NCOA2: variants seen among roughly 807,000 people sequenced by gnomAD.
The protein encoded by NCOA2 is nuclear receptor coactivator 2.
In NCOA2, 21 loss-of-function variants were observed where a neutral mutation model predicts 145.1. That is an observed-to-expected ratio of 0.14 (90% confidence interval 0.10 to 0.21). The LOEUF (loss-of-function observed/expected upper bound fraction) is 0.21. NCOA2 is among the 10% of genes least tolerant of loss of function. The probability of loss-of-function intolerance (pLI) is 1.00; values close to 1 mark genes in which losing one functional copy is unlikely to be tolerated. For synonymous variants in NCOA2, 619 were observed against 637.5 expected (o/e 0.97, Z 0.44); for missense variants, 1,472 against 1,837.6 (o/e 0.80, Z 3.64).
At chr8:70,166,932 T>G (rs528195945) in intron 6 of NCOA2, among the ~76,000 whole-genome samples, 178 bp from the exon 7 acceptor site, 1 of 152,356 alleles carries the variant, frequency 6.6e-6, no homozygotes, top group African/African-American at 2.4e-5. Flanking sequence ...TTTTACAACT[T>G]GGGAATATCT....
intron 2 of NCOA2, among the ~76,000 whole-genome samples, chr8:70,219,150 G>A (rs1346737555): frequency 6.6e-6 from 1 of 152,128 alleles, no homozygotes; most frequent in Non-Finnish European, 1.5e-5. Context: ...GAGAGAAGAG[G>A]AGCCATTTTC....
intron 2 of NCOA2, among the ~76,000 whole-genome samples, chr8:70,258,298 A>G (rs1410475909): frequency 6.6e-6 from 1 of 152,246 alleles, no homozygotes; most frequent in Non-Finnish European, 1.5e-5. Flanking sequence ...CTGATGCAGT[A>G]TCAAAGATCA....
Position 70,363,382 on chromosome 8 carries a change from CA to C in NCOA2, c.-77+40317del, listed in dbSNP as rs113316710. Among the ~76,000 whole-genome samples the C allele has an allele frequency of 5.7e-3, 719 of 125,798 alleles. 5 individuals are homozygous for C. The highest frequency in any genetic ancestry group is 0.014 in the African/African-American group (481 of 33,804). 82.5% of individuals were successfully genotyped at this position (125,798 alleles called of 152,430 possible). On this transcript the variant is annotated intron_variant, in intron 1 of 22. Coordinates refer to ENST00000452400, the MANE Select transcript of NCOA2 (RefSeq NM_006540.4). ...TGGGTGACAGAGCTAGACACCATCT[CA>C]AAAAAAAAAAAAAGTAAACAAGTTT... is the stretch of plus-strand genomic sequence containing the variant.
chr8:70,368,844 A>T (rs1810941821), intron 1 of NCOA2, among the ~76,000 whole-genome samples: 2 of 152,152 alleles, frequency 1.3e-5, no homozygotes, highest in African/African-American at 2.4e-5. Context: ...ACCCCTCCCA[A>T]AACTGCACAA....
chr8:70,323,589 C>T (rs969210862), intron 1 of NCOA2, among the ~76,000 whole-genome samples: 7 of 152,042 alleles, frequency 4.6e-5, no homozygotes, highest in Admixed American at 2.0e-4. Flanking sequence ...TTATTTGATA[C>T]ATTAAGTCCT....
intron 2 of NCOA2, among the ~76,000 whole-genome samples, chr8:70,226,250 A>T (rs1285697064): frequency 6.6e-6 from 1 of 152,154 alleles, no homozygotes; most frequent in Non-Finnish European, 1.5e-5. Flanking sequence ...GTTTATAATA[A>T]GAAGGAAGAG....
At chr8:70,159,244 T>TATATATGTATATATATATATGTATATATA in intron 10 of NCOA2, among the ~76,000 whole-genome samples, 23 of 69,280 alleles carry the variant, frequency 3.3e-4, no homozygotes, top group African/African-American at 1.1e-3. Flanking sequence ...ATATATATAT[T>TATATATGTATATATATATATGTATATATA]TTTTTTTTTT....
chr8:70,149,529 C>A (rs1811518348), intron 11 of NCOA2, among the ~76,000 whole-genome samples: 1 of 151,334 alleles, frequency 6.6e-6, no homozygotes, highest in South Asian at 2.1e-4. Context: ...GAGAGAGCCA[C>A]CGTGCCTGTC....
chr8:70,220,749 T>G (rs1386533263), intron 2 of NCOA2, among the ~76,000 whole-genome samples: 2 of 152,240 alleles, frequency 1.3e-5, no homozygotes, highest in Non-Finnish European at 2.9e-5. Context: ...CTCATACCAT[T>G]AAAGCTTGTT....
At position 70,156,897 on chromosome 8, in the gene NCOA2, G is replaced by T. The variant is rs751520542; in HGVS notation, c.1468C>A (p.His490Asn). ...CCAGCCACTCCAGGGCTCATGCGAT[G>T]CCTTGGTGAAAGCATGGAGGTGGGC... ...GQPTSMLSPR[H>N]RMSPGVAGSP... Residue 490 changes from histidine to asparagine, a missense_variant, in exon 11 of 23, where the codon CAT becomes AAT. His to Asn is a moderately conservative substitution (Grantham distance 68). Coordinates refer to ENST00000452400, the MANE Select transcript of NCOA2 (RefSeq NM_006540.4). 1 of 1,613,898 alleles carries T rather than the reference G, an allele frequency of 6.2e-7. No individual in the cohort carries two copies. The highest frequency in any genetic ancestry group is 1.3e-5 in the African/African-American group (1 of 74,930).
intron 4 of NCOA2, among the ~76,000 whole-genome samples, chr8:70,178,011 A>T (rs1815059064): frequency 6.6e-6 from 1 of 152,172 alleles, no homozygotes; most frequent in Non-Finnish European, 1.5e-5. Flanking sequence ...GCCTTGTGAG[A>T]TGTTTATATT....
chr8:70,290,798 T>C (rs1826620656), intron 2 of NCOA2, among the ~76,000 whole-genome samples: 1 of 151,430 alleles, frequency 6.6e-6, no homozygotes, highest in Non-Finnish European at 1.5e-5. Flanking sequence ...ATAACATGTA[T>C]GAATTTCAGC....
chr8:70,369,192 C>G (rs1427439255), intron 1 of NCOA2, among the ~76,000 whole-genome samples: 2 of 152,180 alleles, frequency 1.3e-5, no homozygotes, highest in African/African-American at 4.8e-5. Flanking sequence ...ATTTTACACA[C>G]TGACGTAGTC....
chr8:70,372,888 CTTTA>C (rs1377342479), intron 1 of NCOA2, among the ~76,000 whole-genome samples: 1 of 152,152 alleles, frequency 6.6e-6, no homozygotes, highest in Non-Finnish European at 1.5e-5. Flanking sequence ...TGTCTGGCTT[CTTTA>C]TTTAGCATAA....
chr8:70,174,159 T>C (rs575451133), intron 5 of NCOA2, among the ~76,000 whole-genome samples: 2 of 152,330 alleles, frequency 1.3e-5, no homozygotes, highest in East Asian at 1.9e-4. Context: ...TTAGTACTAG[T>C]TAATAAAATA....
the NCOA2 span, among the ~76,000 whole-genome samples, chr8:70,435,695 ATATAAG>A: frequency 4.0e-5 from 6 of 150,952 alleles, no homozygotes; most frequent in South Asian, 2.1e-4. Flanking sequence ...ACTTATATAT[ATATAAG>A]TATAATACTT....
At chr8:70,430,244 C>A in the NCOA2 span, among the ~76,000 whole-genome samples, 7 of 152,138 alleles carry the variant, frequency 4.6e-5, no homozygotes, top group African/African-American at 1.7e-4. Context: ...CTTAAGTAAG[C>A]TTTCCCAAAA....
At chr8:70,267,355 C>A (rs907494043) in intron 2 of NCOA2, among the ~76,000 whole-genome samples, 2 of 151,446 alleles carry the variant, frequency 1.3e-5, no homozygotes, top group Non-Finnish European at 2.9e-5. Context: ...ATCCTCATTT[C>A]CCACCAGAAG....
At chr8:70,301,927 T>G (rs1335114627) in intron 1 of NCOA2, among the ~76,000 whole-genome samples, 1 of 152,060 alleles carries the variant, frequency 6.6e-6, no homozygotes, top group Non-Finnish European at 1.5e-5. Flanking sequence ...TTACTTAAGA[T>G]TTTTCAATAG....
Sources: allele counts gnomAD v4.1 joint callset (sites outside exome capture counted in the v4.1 genomes callset), GRCh38; gene constraint gnomAD v4.1.1; transcripts MANE v1.5; gene names NCBI Gene and HGNC (gene_info 2026-07-23, HGNC 2026-07-21).